ABHD2: variants seen among roughly 807,000 people sequenced by gnomAD.
ABHD2 encodes monoacylglycerol lipase ABHD2.
In ABHD2, 20 loss-of-function variants were observed where a neutral mutation model predicts 48.1. The observed-to-expected ratio is 0.42, with a 90% CI of 0.29 to 0.60. The LOEUF is 0.60. Among genes scored for constraint, ABHD2 ranks in the 20% least tolerant of loss-of-function variants. ABHD2 has a pLI of 0.24. For synonymous variants in ABHD2, 209 were observed against 214.2 expected (o/e 0.98, Z 0.21); for missense variants, 405 against 550.9 (o/e 0.74, Z 2.65).
chr15:89,081,942 A>G, the ABHD2 span, among the ~76,000 whole-genome samples: 4 of 152,246 alleles, frequency 2.6e-5, no homozygotes, highest in Admixed American at 6.5e-5. Context: ...TAAGCCTGCA[A>G]TATCACATAT....
the ABHD2 span, among the ~76,000 whole-genome samples, chr15:89,058,512 G>T: frequency 6.6e-6 from 1 of 152,142 alleles, no homozygotes; most frequent in African/African-American, 2.4e-5. Context: ...TGGGTGTATG[G>T]ACTCCCTTTG....
chr15:89,123,248 G>A (rs2050079430), intron 3 of ABHD2, among the ~76,000 whole-genome samples: 1 of 152,168 alleles, frequency 6.6e-6, no homozygotes. Context: ...GAGGAGCCCT[G>A]TGGCCCTTCC....
At chr15:89,047,454 T>C in the ABHD2 span, among the ~76,000 whole-genome samples, 8 of 151,758 alleles carry the variant, frequency 5.3e-5, no homozygotes, top group East Asian at 1.4e-3. Flanking sequence ...GGTATCCTTG[T>C]TGACTTTCTG....
chr15:89,151,675 A>G lies in ABHD2; in HGVS notation c.195-2A>G. On this transcript the variant is annotated splice_acceptor_variant, in intron 3 of 10. Transcript: ENST00000352732. LOFTEE classifies it high-confidence loss of function. This position sits in a 1 kb window ranked among gnomAD's most constrained non-coding sequence, Gnocchi z 4.7. ...AATTGACCTCCCTTGTCCTTTCTTT[A>G]GATACATTCCACCGTTGATCTGGGG... 1 of 1,613,180 alleles carries G rather than the reference A, an allele frequency of 6.2e-7. No homozygotes were observed. The highest frequency in any genetic ancestry group is 8.5e-7 in the Non-Finnish European group (1 of 1,179,404).
intron 1 of ABHD2, among the ~76,000 whole-genome samples, chr15:89,111,736 C>G (rs983871456): frequency 6.6e-6 from 1 of 152,174 alleles, no homozygotes. Context: ...AAAGCATTCA[C>G]CAGTCTTATA....
At chr15:89,171,188 G>A (rs1384791080) in intron 5 of ABHD2, among the ~76,000 whole-genome samples, 2 of 152,226 alleles carry the variant, frequency 1.3e-5, no homozygotes, top group African/African-American at 4.8e-5. Flanking sequence ...GTGGTCTCTG[G>A]ACCAACAACG....
the ABHD2 span, among the ~76,000 whole-genome samples, chr15:89,069,836 T>G: frequency 3.0e-4 from 46 of 151,976 alleles, no homozygotes; most frequent in African/African-American, 1.1e-3. Flanking sequence ...CGTACCACCA[T>G]GCATGGCTAA....
At chr15:89,133,911 A>G (rs2050260464) in intron 3 of ABHD2, among the ~76,000 whole-genome samples, 2 of 143,142 alleles carry the variant, frequency 1.4e-5, no homozygotes, top group Admixed American at 7.7e-5. Flanking sequence ...ATCTCGGCTC[A>G]CTGCAAGCTC....
chr15:89,108,842 C>T (rs904384375), intron 1 of ABHD2, among the ~76,000 whole-genome samples: 4 of 152,178 alleles, frequency 2.6e-5, no homozygotes, highest in African/African-American at 9.7e-5. Context: ...GGAAAATGGC[C>T]GTTTTCTGTT....
In ABHD2 at chr15:89,177,915, CA is replaced by C. The variant is rs1490275848; in HGVS notation, c.722+1921del. Among the ~76,000 whole-genome samples, 1 of 152,152 alleles carries C rather than the reference CA, an allele frequency of 6.6e-6. No homozygotes were observed. Among genetic ancestry groups the C allele is most frequent in the Non-Finnish European group, 1.5e-5 (1 of 68,018 alleles). ...ACAATCCCTTCATCTCATTTTGCTG[CA>C]GTAGCGCCATCTGCTGTCAGCAAGA... On this transcript the variant is annotated intron_variant, in intron 6 of 10. Coordinates refer to ENST00000352732, the MANE Select transcript of ABHD2 (RefSeq NM_152924.5). This position sits in a 1 kb window ranked among gnomAD's most constrained non-coding sequence, Gnocchi z 5.6.
chr15:89,086,118 C>T (rs897977673), upstream of ABHD2, among the ~76,000 whole-genome samples: 3 of 152,020 alleles, frequency 2.0e-5, no homozygotes, highest in Non-Finnish European at 4.4e-5. Context: ...GCCTCTGCTT[C>T]CTGGGTTCAA....
At chr15:89,121,280 T>G (rs2050046936) in intron 3 of ABHD2, among the ~76,000 whole-genome samples, 1 of 152,184 alleles carries the variant, frequency 6.6e-6, no homozygotes, top group African/African-American at 2.4e-5. Flanking sequence ...CACGGACATC[T>G]TCTGATTCTG....
At chr15:89,158,761 G>A (rs938518602) in intron 5 of ABHD2, among the ~76,000 whole-genome samples, 2 of 151,860 alleles carry the variant, frequency 1.3e-5, no homozygotes, top group African/African-American at 4.8e-5. Context: ...CACCCAGGAG[G>A]GAGTGAAGTA....
intron 3 of ABHD2, among the ~76,000 whole-genome samples, chr15:89,149,413 T>G (rs780852897): frequency 2.6e-5 from 4 of 152,324 alleles, no homozygotes; most frequent in Non-Finnish European, 2.9e-5. Context: ...TCCTTTTAGA[T>G]TTACTAAGTG....
Position 89,184,916 on chromosome 15 carries a change from T to C in ABHD2, c.723-508T>C, listed in dbSNP as rs1310178511. Among the ~76,000 whole-genome samples the C allele has an allele frequency of 6.6e-6, 1 of 152,218 alleles. No individual in the cohort carries two copies. Among genetic ancestry groups the C allele is most frequent in the Non-Finnish European group, 1.5e-5 (1 of 68,038 alleles). On this transcript the variant is annotated intron_variant, in intron 6 of 10. Coordinates refer to ENST00000352732, the MANE Select transcript of ABHD2 (RefSeq NM_152924.5). The surrounding 1 kb of genome is among the most constrained non-coding windows in gnomAD (Gnocchi z 5.1). ...CAATGGTATAAGGCTAATCAAAAGA[T>C]AGATGTATTTGGAGGAGATCCCAGT... is the stretch of plus-strand genomic sequence containing the variant.
chr15:89,053,017 T>C, the ABHD2 span, among the ~76,000 whole-genome samples: 1 of 150,770 alleles, frequency 6.6e-6, no homozygotes, highest in Non-Finnish European at 1.5e-5. Context: ...GCCCAGGCTG[T>C]AGTGCAGTGG....
chr15:89,175,715 T>C lies in ABHD2; in HGVS notation c.539-97T>C. On this transcript the variant is annotated intron_variant, in intron 5 of 10. Coordinates refer to ENST00000352732, the MANE Select transcript of ABHD2 (RefSeq NM_152924.5). This position sits in a 1 kb window ranked among gnomAD's most constrained non-coding sequence, Gnocchi z 5.7. Reference sequence around the variant, plus strand: ...TACACATATATATTTCTCTCTCTTTTAGTATACTGGCACCCATTTAGTAAC... The same window carrying C: ...TACACATATATATTTCTCTCTCTTTCAGTATACTGGCACCCATTTAGTAAC... 3.9e-6 allele frequency: 5 copies of C among 1,286,776 alleles called. No homozygotes were observed. The highest frequency in any genetic ancestry group is 5.6e-6 in the Non-Finnish European group (5 of 893,742). 79.7% of individuals were successfully genotyped at this position (1,286,776 alleles called of 1,614,324 possible). A position where few individuals can be genotyped will look rare whatever the true frequency, so the allele number is the denominator to read the frequency against.
At chr15:89,051,654 G>A in the ABHD2 span, among the ~76,000 whole-genome samples, 33 of 152,294 alleles carry the variant, frequency 2.2e-4, no homozygotes, top group African/African-American at 7.7e-4. Flanking sequence ...TCGTGATAGT[G>A]AAGAAGTCTC....
chr15:89,106,661 C>CT lies in ABHD2; in HGVS notation c.-106-7063dup, dbSNP rs1433781125. Among the ~76,000 whole-genome samples the CT allele has an allele frequency of 6.6e-6, 1 of 152,114 alleles. No homozygotes were observed. Among genetic ancestry groups the CT allele is most frequent in the East Asian group, 1.9e-4 (1 of 5,186 alleles). ...TGGTTTTTTTCCCCCTATGATGGCTCTGACTAATTTAGTTAAATGGCAGAT... is the reference window on the plus strand; with the variant it reads ...TGGTTTTTTTCCCCCTATGATGGCTCTTGACTAATTTAGTTAAATGGCAGAT... On this transcript the variant is annotated intron_variant, in intron 1 of 10. Transcript: ENST00000352732. The surrounding 1 kb of genome is among the most constrained non-coding windows in gnomAD (Gnocchi z 4.2).
Sources: allele counts gnomAD v4.1 joint callset (sites outside exome capture counted in the v4.1 genomes callset), GRCh38; gene constraint gnomAD v4.1.1; non-coding constraint Gnocchi (gnomAD v3.1); transcripts MANE v1.5; gene names NCBI Gene and HGNC (gene_info 2026-07-23, HGNC 2026-07-21).